The following SUGCT variants were observed in gnomAD, a reference collection of about 807,000 sequenced individuals.
The protein encoded by SUGCT is succinyl-CoA:glutarate CoA-transferase.
SUGCT carries 41 observed loss-of-function variants against 55.0 expected under a neutral mutation model. The observed-to-expected ratio is 0.74, with a 90% confidence interval of 0.58 to 0.97. The LOEUF (loss-of-function observed/expected upper bound fraction) is 0.97. Ranked by LOEUF, SUGCT falls within the 50% of genes least tolerant of loss-of-function variation. The pLI, the probability that SUGCT is intolerant of heterozygous loss-of-function variation, is 0.00. For missense variants in SUGCT, 568 were observed against 547.8 expected (o/e 1.04, Z -0.37); for synonymous variants, 187 against 200.4 (o/e 0.93, Z 0.56).
chr7:40,579,297 T>C (rs1240783750), intron 12 of SUGCT, among the ~76,000 whole-genome samples: 1 of 152,146 alleles, frequency 6.6e-6, no homozygotes, highest in Non-Finnish European at 1.5e-5. Flanking sequence ...TAGTGATCTA[T>C]AGAAACTGAA....
chr7:40,235,854 A>G (rs556564088), intron 6 of SUGCT, among the ~76,000 whole-genome samples: 3 of 152,218 alleles, frequency 2.0e-5, no homozygotes, highest in South Asian at 2.1e-4. Context: ...CTCTTTTACA[A>G]AAGGTTGAGG....
intron 9 of SUGCT, among the ~76,000 whole-genome samples, chr7:40,439,734 C>T (rs890831000): frequency 2.0e-5 from 3 of 152,156 alleles, no homozygotes; most frequent in African/African-American, 4.8e-5. Flanking sequence ...GAGTCCTCCT[C>T]GACATGGGAA....
rs572364280 is a variant in SUGCT, at chr7:40,461,111, G to A, written c.986+1913G>A. ...TTCTAGCACGTCTCTCTTCCTCCACGGTAGTTCAAATAGTGATGACCTGGG... is the reference window on the plus strand; with the variant it reads ...TTCTAGCACGTCTCTCTTCCTCCACAGTAGTTCAAATAGTGATGACCTGGG... On this transcript the variant is annotated intron_variant, in intron 11 of 13. Transcript: ENST00000335693. Among the ~76,000 whole-genome samples the A allele has an allele frequency of 6.6e-5, 10 of 152,194 alleles. No individual in the cohort carries two copies. In the South Asian group the frequency reaches 1.2e-3, roughly 19 times the overall value.
chr7:40,976,870 A>ACCACAC, the SUGCT span, among the ~76,000 whole-genome samples: 4 of 152,184 alleles, frequency 2.6e-5, no homozygotes, highest in African/African-American at 7.2e-5. Context: ...TAGTTACTTG[A>ACCACAC]CCACACTACT....
At chr7:40,607,694 C>T (rs916689355) in intron 12 of SUGCT, among the ~76,000 whole-genome samples, 5 of 152,156 alleles carry the variant, frequency 3.3e-5, no homozygotes, top group African/African-American at 1.2e-4. Flanking sequence ...ATAATAGTAG[C>T]TAAGACTTGT....
chr7:40,253,526 C>T (rs369169169), intron 7 of SUGCT, among the ~76,000 whole-genome samples: 4 of 152,166 alleles, frequency 2.6e-5, no homozygotes, highest in Admixed American at 6.5e-5. Context: ...GGAACATAAT[C>T]GGCATTCACA....
At chr7:40,405,448 A>G (rs1464809505) in intron 9 of SUGCT, among the ~76,000 whole-genome samples, 1 of 152,206 alleles carries the variant, frequency 6.6e-6, no homozygotes, top group East Asian at 1.9e-4. Flanking sequence ...ATTATTACAA[A>G]GCACATTTAC....
chr7:40,329,909 T>G (rs1796221425), intron 9 of SUGCT, among the ~76,000 whole-genome samples: 1 of 152,228 alleles, frequency 6.6e-6, no homozygotes. Context: ...TTCTCTATGG[T>G]TCAAAGTCCT....
intron 12 of SUGCT, among the ~76,000 whole-genome samples, chr7:40,564,353 G>A (rs928687666): frequency 3.3e-5 from 5 of 152,170 alleles, no homozygotes; most frequent in African/African-American, 1.2e-4. Context: ...TCCAGCCTGG[G>A]CGACCTGGGC....
intron 9 of SUGCT, among the ~76,000 whole-genome samples, chr7:40,356,483 A>G (rs900594568): frequency 1.3e-5 from 2 of 152,168 alleles, no homozygotes; most frequent in African/African-American, 4.8e-5. Context: ...TAGTGAGTGG[A>G]GTGAGTCAGA....
intron 7 of SUGCT, among the ~76,000 whole-genome samples, chr7:40,256,963 C>G (rs898508132): frequency 6.6e-6 from 1 of 152,096 alleles, no homozygotes; most frequent in African/African-American, 2.4e-5. Context: ...GGGCTGGTCT[C>G]AAACTCCTGA....
At chr7:40,371,031 G>T (rs73136922) in intron 9 of SUGCT, among the ~76,000 whole-genome samples, 4,168 of 152,152 alleles carry the variant, frequency 0.027, 80 homozygotes, top group Non-Finnish European at 0.041. Flanking sequence ...ATGGCCCAGA[G>T]CTAGATAGTC....
In SUGCT at chr7:40,170,359, A is replaced by G. The variant is rs984752877; in HGVS notation, c.101-10588A>G. On this transcript the variant is annotated intron_variant, in intron 1 of 13. Transcript: ENST00000335693. ...CCTAACCCTTATAAAACATCAATAT[A>G]GCCATCAGGGTTATCTGAGAATTTA... Among the ~76,000 whole-genome samples the G allele has an allele frequency of 3.3e-5, 5 of 152,140 alleles. 1 individual carries two copies. The highest frequency in any genetic ancestry group is 1.2e-4 in the African/African-American group (5 of 41,420).
the SUGCT span, among the ~76,000 whole-genome samples, chr7:41,019,601 A>G: frequency 6.6e-6 from 1 of 152,194 alleles, no homozygotes; most frequent in African/African-American, 2.4e-5. Flanking sequence ...TGGATAAATT[A>G]CCATACTTGG....
chr7:40,838,264 A>T (rs1378313519), intron 13 of SUGCT, among the ~76,000 whole-genome samples: 1 of 152,210 alleles, frequency 6.6e-6, no homozygotes, highest in Non-Finnish European at 1.5e-5. Flanking sequence ...AAAATTTAGA[A>T]TAGGCTTATC....
intron 12 of SUGCT, among the ~76,000 whole-genome samples, chr7:40,545,857 T>C (rs1473457010): frequency 2.0e-5 from 3 of 152,236 alleles, no homozygotes; most frequent in Non-Finnish European, 4.4e-5. Context: ...GGGATGAAGA[T>C]GGCATTAATG....
intron 5 of SUGCT, 73 bp from the exon 6 acceptor site, chr7:40,194,867 G>A: frequency 6.7e-7 from 1 of 1,503,580 alleles, no homozygotes; most frequent in African/African-American, 1.4e-5. Flanking sequence ...AGAATCAATT[G>A]TGTAAAGTTA....
intron 8 of SUGCT, among the ~76,000 whole-genome samples, chr7:40,274,962 C>G (rs1265369907): frequency 1.3e-5 from 2 of 151,956 alleles, no homozygotes; most frequent in African/African-American, 4.8e-5. Context: ...CCACCACGCC[C>G]GGCTAATTTT....
At chr7:40,320,930 C>T (rs1399281409) in intron 9 of SUGCT, among the ~76,000 whole-genome samples, 3 of 152,148 alleles carry the variant, frequency 2.0e-5, no homozygotes, top group East Asian at 3.9e-4. Context: ...TCTCCTCCCT[C>T]ACTCCCCTTC....
Sources: gnomAD v4.1 joint callset for allele counts (sites outside exome capture counted in the v4.1 genomes callset) on GRCh38, gnomAD v4.1.1 for gene constraint, MANE v1.5 for transcripts, NCBI Gene and HGNC (gene_info 2026-07-23, HGNC 2026-07-21) for gene names.